The following SLC6A4 variants were observed in gnomAD, a reference collection of about 807,000 sequenced individuals.
SLC6A4 encodes solute carrier family 6 member 4.
Under a neutral mutation model 73.4 loss-of-function variants are expected in SLC6A4, and 22 were observed. The observed-to-expected ratio is 0.30, with a 90% CI of 0.21 to 0.43. The LOEUF is 0.43. Ranked by LOEUF, SLC6A4 falls within the 20% of genes least tolerant of loss-of-function variation. The probability of loss-of-function intolerance (pLI) is 1.00; values close to 1 mark genes in which losing one functional copy is unlikely to be tolerated. For synonymous variants in SLC6A4, 270 were observed against 315.5 expected (o/e 0.86, Z 1.53); for missense variants, 593 against 808.5 (o/e 0.73, Z 3.23).
Position 30,207,779 on chromosome 17 carries a change from A to T in SLC6A4, c.1603T>A (p.Trp535Arg). 1 of 1,613,758 alleles carries T rather than the reference A, an allele frequency of 6.2e-7. No individual in the cohort carries two copies. The highest frequency in any genetic ancestry group is 8.5e-7 in the Non-Finnish European group (1 of 1,179,932). Residue 535 changes from tryptophan to arginine, a missense_variant, in exon 13 of 15, where the codon TGG becomes AGG. Physicochemically the swap from Trp to Arg is moderately radical, Grantham distance 101. Coordinates refer to ENST00000650711, the MANE Select transcript of SLC6A4 (RefSeq NM_001045.6). ...VKEMLGFSPG[W>R]FWRICWVAIS... ...GCCACCCAGCAGATCCTCCAGAACC[A>T]CCCCGGGCTGAAGCCGAGCATTTCC...
At chr17:30,200,849 T>G (rs1222000430) in intron 14 of SLC6A4, among the ~76,000 whole-genome samples, 1 of 152,108 alleles carries the variant, frequency 6.6e-6, no homozygotes, top group East Asian at 1.9e-4. Context: ...CTCGATGATC[T>G]CAGCTCACTG....
In SLC6A4 at chr17:30,211,565, G is replaced by A; in HGVS notation, c.1205-141C>T. On this transcript the variant is annotated intron_variant, in intron 9 of 14. Transcript: ENST00000650711. This position sits in a 1 kb window ranked among gnomAD's most constrained non-coding sequence, Gnocchi z 4.0. ...TGAATCAGGTTTTGACACACACCAAGTGCGTCCTCACACTCTACTCCGTCT... is the reference window on the plus strand; with the variant it reads ...TGAATCAGGTTTTGACACACACCAAATGCGTCCTCACACTCTACTCCGTCT... The A allele has an allele frequency of 1.5e-6, 1 of 648,142 alleles. No homozygotes were observed. Among genetic ancestry groups the A allele is most frequent in the Non-Finnish European group, 2.8e-6 (1 of 352,470 alleles). 40.1% of individuals were successfully genotyped at this position (648,142 alleles called of 1,614,324 possible).
rs1042320647 is a variant in SLC6A4 at position 30,211,181 on chromosome 17, T to G, written c.1317+131A>C. On this transcript the variant is annotated intron_variant, in intron 10 of 14. Transcript: ENST00000650711. The surrounding 1 kb of genome is among the most constrained non-coding windows in gnomAD (Gnocchi z 4.0). ...TAAATGCCGAGGAGTCAGCCGGGGG[T>G]CTGGAGCACCAGAAGGGAGTAGCCA... 3 of 624,890 alleles carry G rather than the reference T, an allele frequency of 4.8e-6. No homozygotes were observed. The highest frequency in any genetic ancestry group is 3.7e-5 in the African/African-American group (2 of 54,502). 38.7% of individuals were successfully genotyped at this position (624,890 alleles called of 1,614,324 possible).
chr17:30,199,654 A>G (rs1322782469), intron 14 of SLC6A4, among the ~76,000 whole-genome samples: 3 of 152,196 alleles, frequency 2.0e-5, no homozygotes, highest in Non-Finnish European at 4.4e-5. Context: ...TGTGCTCCTC[A>G]TGACCTTAGT....
At chr17:30,234,906 GAC>G (rs993923910) in intron 1 of SLC6A4, among the ~76,000 whole-genome samples, 1 of 152,128 alleles carries the variant, frequency 6.6e-6, no homozygotes, top group Non-Finnish European at 1.5e-5. Flanking sequence ...CTTAGCCCAA[GAC>G]CCAAATCCAC....
intron 1 of SLC6A4, among the ~76,000 whole-genome samples, chr17:30,231,989 G>A (rs569412088): frequency 3.2e-4 from 48 of 152,344 alleles, no homozygotes; most frequent in Non-Finnish European, 4.3e-4. Flanking sequence ...AGCCAGCCAT[G>A]CACAGAGCTA....
Position 30,218,186 on chromosome 17 carries a change from G to A in SLC6A4, c.630C>T (p.Thr210=), listed in dbSNP as rs760149726. ...TGATGTTGTCCTCGGAGAAGTAATT[G>A]GTGCAGTTGCCAGTGTTCCAGGAGT... ...CKNSWNTGNC[T]NYFSEDNITW... Residue 210 remains threonine (T), a synonymous_variant, in exon 5 of 15, where the codon ACC becomes ACT. Coordinates refer to ENST00000650711, the MANE Select transcript of SLC6A4 (RefSeq NM_001045.6). The A allele has an allele frequency of 1.1e-5, 17 of 1,614,206 alleles. No homozygotes were observed. The highest frequency in any genetic ancestry group is 1.4e-5 in the Non-Finnish European group (17 of 1,180,026).
In SLC6A4 at chr17:30,235,069, G is replaced by T. The variant is rs1035336150; in HGVS notation, c.-221+544C>A. 1.3e-5 allele frequency among the ~76,000 whole-genome samples: 2 copies of T among 152,090 alleles called. No homozygotes were observed. Among genetic ancestry groups the T allele is most frequent in the Non-Finnish European group, 1.5e-5 (1 of 68,022 alleles). ...AATGGCCTGTGAGGTGTCTGAGAGC[G>T]CCTCAGCTCTGACAGTGAAACCACC... On this transcript the variant is annotated intron_variant, in intron 1 of 14. Transcript: ENST00000650711. The surrounding 1 kb of genome is among the most constrained non-coding windows in gnomAD (Gnocchi z 4.5).
intron 2 of SLC6A4, among the ~76,000 whole-genome samples, chr17:30,222,478 C>T (rs1173909350): frequency 1.3e-5 from 2 of 152,196 alleles, no homozygotes; most frequent in African/African-American, 4.8e-5. Context: ...GTCTTGGATG[C>T]TATGTTGGGG....
At chr17:30,204,128 C>G (rs967191708) in intron 13 of SLC6A4, among the ~76,000 whole-genome samples, 3 of 152,202 alleles carry the variant, frequency 2.0e-5, no homozygotes, top group African/African-American at 7.2e-5. Context: ...CAGTGTGCTC[C>G]CAACACCCAG....
chr17:30,195,140 G>A lies in SLC6A4; in HGVS notation c.*3316C>T, dbSNP rs1905813787. On this transcript the variant is annotated 3_prime_UTR_variant, in exon 15 of 15. Coordinates refer to ENST00000650711, the MANE Select transcript of SLC6A4 (RefSeq NM_001045.6). ...GGTGACTGTTTTTGAAACACCTAAT[G>A]TAGAAACAATACTGAATTGATTTCA... The A allele has an allele frequency of 6.6e-6, 1 of 152,170 alleles. No individual in the cohort carries two copies. The highest frequency in any genetic ancestry group is 1.9e-4 in the East Asian group (1 of 5,204). 9.4% of individuals were successfully genotyped at this position (152,170 alleles called of 1,614,324 possible). A position where few individuals can be genotyped will look rare whatever the true frequency, so the allele number is the denominator to read the frequency against.
chr17:30,198,379 AG>A lies in SLC6A4; in HGVS notation c.*76del. ...CTTAGCTGGAAACTCATTCACTTGGAGGGGAGAAGGCAGGCGTGCCTCATCA... is the reference window on the plus strand; with the variant it reads ...CTTAGCTGGAAACTCATTCACTTGGAGGGAGAAGGCAGGCGTGCCTCATCA... On this transcript the variant is annotated 3_prime_UTR_variant, in exon 15 of 15. Transcript: ENST00000650711. 1.3e-6 allele frequency: 1 copy of A among 790,460 alleles called. No homozygotes were observed. The allele number at this position is 790,460 out of a possible 1,614,324, so 49.0% of individuals were successfully genotyped here.
At chr17:30,229,619 G>A (rs1264827959) in intron 1 of SLC6A4, among the ~76,000 whole-genome samples, 3 of 152,040 alleles carry the variant, frequency 2.0e-5, no homozygotes, top group Non-Finnish European at 2.9e-5. Flanking sequence ...TCGCTATGTT[G>A]CCCAGGCTGG....
rs202191903 is a variant in SLC6A4 at position 30,198,193 on chromosome 17, A to G, written c.*263T>C. Reference sequence around the variant, plus strand: ...AACTGATGATAGGGTGGTTTTCATCACCTCCATCCACATCCTCACACGTCC... The same window carrying G: ...AACTGATGATAGGGTGGTTTTCATCGCCTCCATCCACATCCTCACACGTCC... On this transcript the variant is annotated 3_prime_UTR_variant, in exon 15 of 15. Transcript: ENST00000650711. The G allele has an allele frequency of 2.6e-5, 10 of 380,462 alleles. No homozygotes were observed. Among genetic ancestry groups the G allele is most frequent in the African/African-American group, 2.1e-4 (10 of 48,156 alleles). 23.6% of individuals were successfully genotyped at this position (380,462 alleles called of 1,614,324 possible).
intron 13 of SLC6A4, chr17:30,206,598 C>A (rs912446616): frequency 6.6e-6 from 1 of 152,124 alleles, no homozygotes; most frequent in African/African-American, 2.4e-5. Flanking sequence ...ATCCAGGGCC[C>A]CCATGAAGAG....
intron 1 of SLC6A4, among the ~76,000 whole-genome samples, chr17:30,223,435 G>T (rs1906831798): frequency 6.6e-6 from 1 of 152,138 alleles, no homozygotes; most frequent in Non-Finnish European, 1.5e-5. Flanking sequence ...ACCTACACAT[G>T]TGAAGACAAA....
intron 1 of SLC6A4, among the ~76,000 whole-genome samples, chr17:30,230,110 A>AGGAGGAG (rs1567824211): frequency 7.9e-6 from 1 of 127,242 alleles, no homozygotes; most frequent in African/African-American, 3.2e-5. Flanking sequence ...AGGAAGAGGA[A>AGGAGGAG]GAGGAAGAGG....
chr17:30,222,146 CTCA>C (rs1398302693), intron 2 of SLC6A4, 65 bp from the exon 3 acceptor site: 2 of 1,015,160 alleles, frequency 2.0e-6, no homozygotes, highest in African/African-American at 3.2e-5. Context: ...TTGGTATTAA[CTCA>C]TCATACATCT....
chr17:30,206,241 C>CAAAAAAAAAAA (rs5819882), intron 13 of SLC6A4: 40 of 106,336 alleles, frequency 3.8e-4, no homozygotes, highest in Non-Finnish European at 4.6e-4. Context: ...CTCTAAAAGA[C>CAAAAAAAAAAA]AAAAAAAAAA....
Sources: gnomAD v4.1 joint callset for allele counts (sites outside exome capture counted in the v4.1 genomes callset) on GRCh38, gnomAD v4.1.1 for gene constraint, Gnocchi (gnomAD v3.1) non-coding constraint, MANE v1.5 for transcripts, NCBI Gene and HGNC (gene_info 2026-07-23, HGNC 2026-07-21) for gene names.